Variants in ENGASE observed in about 807,000 individuals in gnomAD.
The protein encoded by ENGASE is endo-beta-N-acetylglucosaminidase.
In ENGASE, 69 loss-of-function variants were observed where a neutral mutation model predicts 78.5. The observed-to-expected ratio is 0.88, with a 90% CI of 0.72 to 1.07. The LOEUF is 1.07. Among genes scored for constraint, ENGASE ranks in the 50% least tolerant of loss-of-function variants. The pLI, the probability that ENGASE is intolerant of heterozygous loss-of-function variation, is 0.00. For synonymous variants in ENGASE, 408 were observed against 408.9 expected, an observed-to-expected ratio of 1.00 and a Z score of 0.03; for missense variants, 943 against 988.4, an observed-to-expected ratio of 0.95 and a Z score of 0.62.
In ENGASE at chr17:79,079,586, C is replaced by T; in HGVS notation, c.514C>T (p.Pro172Ser). The T allele has an allele frequency of 6.2e-7, 1 of 1,613,778 alleles. No homozygotes were observed. Among genetic ancestry groups the T allele is most frequent in the Non-Finnish European group, 8.5e-7 (1 of 1,179,814 alleles). ...VYFSHHTVTI[P>S]PVGWTNTAHR... The stretch of plus-strand genomic sequence containing the variant: ...CTTCAGCCACCACACCGTCACCATT[C>T]CCCCAGTGGGCTGGACCAACACTGC... The change falls in exon 4 of 14, where the codon CCC becomes TCC. Residue 172 changes from proline to serine, a missense_variant. Coordinates refer to ENST00000579016, the MANE Select transcript of ENGASE (RefSeq NM_001042573.3).
chr17:79,075,250 C>T (rs1052154736), intron 1 of ENGASE, among the ~76,000 whole-genome samples, 160 bp downstream of exon 1: 4 of 152,196 alleles, frequency 2.6e-5, no homozygotes, highest in African/African-American at 7.2e-5. Flanking sequence ...CGCCCCTCCG[C>T]CCCGGTCCGC....
In ENGASE at chr17:79,086,353, G is replaced by A. The variant is rs780294897; in HGVS notation, c.*4G>A. The A allele has an allele frequency of 6.2e-7, 1 of 1,606,694 alleles. No homozygotes were observed. The highest frequency in any genetic ancestry group is 1.1e-5 in the South Asian group (1 of 90,764). ...GCTTTATTCAGCCCCTGCATGAGCG[G>A]ATGCTAAGGCCGGGTGGTCTCCTGG... On this transcript the variant is annotated 3_prime_UTR_variant, in exon 14 of 14. Coordinates refer to ENST00000579016, the MANE Select transcript of ENGASE (RefSeq NM_001042573.3).
chr17:79,080,856 C>T (rs949074002), intron 5 of ENGASE, 69 bp from the exon 6 acceptor site: 72 of 1,542,152 alleles, frequency 4.7e-5, no homozygotes, highest in Non-Finnish European at 6.0e-5. Context: ...GTCTGTCCAG[C>T]GCTGGATACT....
Position 79,081,896 on chromosome 17 carries a change from A to G in ENGASE, c.873-2A>G. The G allele has an allele frequency of 6.2e-7, 1 of 1,608,346 alleles. No individual in the cohort carries two copies. Among genetic ancestry groups the G allele is most frequent in the South Asian group, 1.1e-5 (1 of 90,640 alleles). On this transcript the variant is annotated splice_acceptor_variant, in intron 6 of 13. Coordinates refer to ENST00000579016, the MANE Select transcript of ENGASE (RefSeq NM_001042573.3). LOFTEE classifies it high-confidence loss of function. ...TCACAGCAGGTCCTTGTTGCTTCTC[A>G]GGGTCTTCTTTGATTCCTGCGACGG...
At chr17:79,085,209 T>TC in intron 11 of ENGASE, 25 bp from the exon 12 acceptor site, 1 of 1,585,402 alleles carries the variant, frequency 6.3e-7, no homozygotes, top group East Asian at 2.2e-5. Context: ...TTCTCCTTTT[T>TC]CAAGTTCCGT....
At chr17:79,080,183 C>A (rs1568088178) in intron 4 of ENGASE, 24 bp from the exon 5 acceptor site, 2 of 1,561,872 alleles carry the variant, frequency 1.3e-6, no homozygotes, top group Non-Finnish European at 1.7e-6. Context: ...CGTGGCTGAC[C>A]TTGTTTCTCT....
chr17:79,084,453 G>A, intron 10 of ENGASE, 85 bp from the exon 11 acceptor site: 1 of 1,362,826 alleles, frequency 7.3e-7, no homozygotes, highest in Non-Finnish European at 9.8e-7. Flanking sequence ...TTCCTGGAGG[G>A]AGGGGCTGGT....
Position 79,077,687 on chromosome 17 carries a change from C to T in ENGASE, c.239C>T (p.Thr80Ile). The change falls in exon 3 of 14, where the codon ACC becomes ATC. Residue 80 changes from threonine (T) to isoleucine (I), a missense_variant. By Grantham distance (89) the Thr-to-Ile change is moderately conservative (BLOSUM62 -1). Coordinates refer to ENST00000579016, the MANE Select transcript of ENGASE (RefSeq NM_001042573.3). ...GTTAGATATTATGACAAGGACACCA[C>T]CAAACCAATCAGCTTTTACTTGTCT... ...LPVRYYDKDT[T>I]KPISFYLSSL... The T allele has an allele frequency of 6.2e-7, 1 of 1,614,230 alleles. No homozygotes were observed. The highest frequency in any genetic ancestry group is 2.2e-5 in the East Asian group (1 of 44,888).
At chr17:79,075,621 C>A in intron 1 of ENGASE, 1 of 910,488 alleles carries the variant, frequency 1.1e-6, no homozygotes, top group Non-Finnish European at 1.3e-6. Context: ...GAACATGCCC[C>A]TCTGGGCTGG....
At position 79,083,641 on chromosome 17, in the gene ENGASE, G is replaced by A. The variant is rs374443792; in HGVS notation, c.1251+51G>A. On this transcript the variant is annotated intron_variant, in intron 9 of 13. Coordinates refer to ENST00000579016, the MANE Select transcript of ENGASE (RefSeq NM_001042573.3). The surrounding 1 kb of genome is among the most constrained non-coding windows in gnomAD (Gnocchi z 4.9). ...CTGTCCTCTGGCCTCAGCTGGGACA[G>A]GTGGGAGGAGCCTGGGACTTGCCAG... is the stretch of plus-strand genomic sequence containing the variant. 2.2e-4 allele frequency: 352 copies of A among 1,585,048 alleles called. No individual in the cohort carries two copies. Among genetic ancestry groups the A allele is most frequent in the Non-Finnish European group, 2.8e-4 (325 of 1,155,470 alleles).
intron 7 of ENGASE, chr17:79,082,407 C>A (rs184512448): frequency 8.1e-7 from 1 of 1,237,412 alleles, no homozygotes; most frequent in African/African-American, 1.6e-5. Flanking sequence ...CCTGCGGGGA[C>A]GCACAGGGGC....
chr17:79,075,614 C>A, intron 1 of ENGASE: 4 of 831,316 alleles, frequency 4.8e-6, no homozygotes, highest in Non-Finnish European at 5.8e-6. Flanking sequence ...AAGGGACGAA[C>A]ATGCCCCTCT....
Position 79,086,070 on chromosome 17 carries a change from GTCCT to G in ENGASE, c.1958_1961del (p.Phe653SerfsTer16). 6.2e-7 allele frequency: 1 copy of G among 1,613,526 alleles called. No individual in the cohort carries two copies. Among genetic ancestry groups the G allele is most frequent in the Non-Finnish European group, 8.5e-7 (1 of 1,180,042 alleles). ...TCCAGCTCAGCTGCACCCTGCACTG[GTCCT>G]TCCTCCTCTCACAAGTCCGTTGCTT... On this transcript the variant is annotated frameshift_variant, in exon 14 of 14. Transcript: ENST00000579016. LOFTEE classifies it low-confidence loss of function (END_TRUNC).
intron 1 of ENGASE, among the ~76,000 whole-genome samples, chr17:79,076,588 A>T (rs1416209632): frequency 2.0e-5 from 3 of 152,190 alleles, no homozygotes; most frequent in African/African-American, 7.2e-5. Flanking sequence ...TTTTTAAAAG[A>T]AAGTGGTTTG....
At chr17:79,076,022 C>T in intron 1 of ENGASE, 1 of 457,606 alleles carries the variant, frequency 2.2e-6, no homozygotes, top group Non-Finnish European at 2.9e-6. Flanking sequence ...CTGCTTGAAT[C>T]CGTCCCCGAC....
intron 11 of ENGASE, 70 bp from the exon 12 acceptor site, chr17:79,085,164 C>G: frequency 1.6e-6 from 2 of 1,287,932 alleles, no homozygotes; most frequent in Admixed American, 3.4e-5. Flanking sequence ...CTGGGGCGCC[C>G]TTGGTGGTCC....
In ENGASE at chr17:79,083,728, T is replaced by G; in HGVS notation, c.1252-33T>G. The stretch of plus-strand genomic sequence containing the variant: ...CGGGCACCCCTGCTCTGTTGGCCTC[T>G]GCTGAGTGCCCCTGTTCTGCCCTTT... On this transcript the variant is annotated intron_variant, in intron 9 of 13. Coordinates refer to ENST00000579016, the MANE Select transcript of ENGASE (RefSeq NM_001042573.3). This position sits in a 1 kb window ranked among gnomAD's most constrained non-coding sequence, Gnocchi z 4.9. 10 of 1,593,344 alleles carry G rather than the reference T, an allele frequency of 6.3e-6. No homozygotes were observed. The highest frequency in any genetic ancestry group is 8.6e-6 in the Non-Finnish European group (10 of 1,167,844).
At chr17:79,081,813 G>A in intron 6 of ENGASE, 85 bp from the exon 7 acceptor site, 2 of 1,509,872 alleles carry the variant, frequency 1.3e-6, no homozygotes. Flanking sequence ...GTACTAGGAG[G>A]GGAAAGGCTG....
chr17:79,087,031 G>C lies in ENGASE; in HGVS notation c.*682G>C. On this transcript the variant is annotated 3_prime_UTR_variant, in exon 14 of 14. Coordinates refer to ENST00000579016, the MANE Select transcript of ENGASE (RefSeq NM_001042573.3). ...GCTGCTGAGTGTGAGGTCATCTCCG[G>C]AGCGTTTTCAGCAGCCCCTGGCTCT... is the stretch of plus-strand genomic sequence containing the variant. The C allele has an allele frequency of 2.0e-6, 1 of 495,282 alleles. No homozygotes were observed. Among genetic ancestry groups the C allele is most frequent in the South Asian group, 1.5e-5 (1 of 67,510 alleles). 30.7% of individuals were successfully genotyped at this position (495,282 alleles called of 1,614,324 possible).
Sources: allele counts gnomAD v4.1 joint callset (sites outside exome capture counted in the v4.1 genomes callset), GRCh38; gene constraint gnomAD v4.1.1; non-coding constraint Gnocchi (gnomAD v3.1); transcripts MANE v1.5; gene names NCBI Gene and HGNC (gene_info 2026-07-23, HGNC 2026-07-21).